Variants in C1orf159 observed in about 807,000 individuals in gnomAD.
The protein encoded by C1orf159 is uncharacterized protein C1orf159.
In C1orf159, 19 loss-of-function variants were observed where a neutral mutation model predicts 25.6. The observed-to-expected ratio is 0.74, with a 90% confidence interval of 0.52 to 1.09. The LOEUF is 1.09. Among genes scored for constraint, C1orf159 ranks in the 50% least tolerant of loss-of-function variants. The pLI is 0.00. For synonymous variants in C1orf159, 139 were observed against 124.7 expected (o/e 1.12, Z -0.77); for missense variants, 274 against 290.6 (o/e 0.94, Z 0.42).
intron 1 of C1orf159, among the ~76,000 whole-genome samples, chr1:1,113,693 G>A (rs920847953): frequency 6.6e-6 from 1 of 152,192 alleles, no homozygotes; most frequent in Non-Finnish European, 1.5e-5. Flanking sequence ...AGGAATGAAA[G>A]GAAGTAAAGC....
rs186481394 is a variant in C1orf159 at position 1,086,003 on chromosome 1, C to T, written c.320G>A (p.Arg107His). Residue 107 changes from arginine (R) to histidine (H), a missense_variant, in exon 7 of 10, where the codon CGC becomes CAC. Arg to His is a conservative substitution (Grantham distance 29, BLOSUM62 0). Coordinates refer to ENST00000421241, the MANE Select transcript of C1orf159 (RefSeq NM_017891.5). ...GCCCAGGAAGAGGGAGGCGGCCACG[C>T]GCGGAGCCCCTGCAAACAGACACCG... ...TPGRPHPGAP[R>H]VAASLFLGTF... The T allele has an allele frequency of 4.8e-4, 774 of 1,612,880 alleles. 8 individuals carry two copies. In the South Asian group the frequency reaches 6.1e-3, roughly 13 times the overall value.
chr1:1,091,241 C>A (rs1476818609), intron 3 of C1orf159: 1 of 633,850 alleles, frequency 1.6e-6, no homozygotes, highest in Non-Finnish European at 2.8e-6. Flanking sequence ...ACCGTGGGGG[C>A]CCCGCCTGAC....
chr1:1,089,054 C>T lies in C1orf159; in HGVS notation c.148+1299G>A, dbSNP rs535777912. ...TCCACGGCAGGGAGCCAAACACCAG[C>T]GCAGCACTGTCCCCAGAAGTGCCCG... On this transcript the variant is annotated intron_variant, in intron 4 of 9. Transcript: ENST00000421241. The surrounding 1 kb of genome is among the most constrained non-coding windows in gnomAD (Gnocchi z 7.5). Among the ~76,000 whole-genome samples the T allele has an allele frequency of 2.2e-4, 34 of 152,346 alleles. No individual in the cohort carries two copies. The highest frequency in any genetic ancestry group is 1.6e-3 in the Admixed American group (24 of 15,312).
chr1:1,109,093 G>A (rs561727738), intron 1 of C1orf159, among the ~76,000 whole-genome samples: 1,767 of 144,472 alleles, frequency 0.012, 165 homozygotes, highest in African/African-American at 0.045. Flanking sequence ...CACCATGTCT[G>A]CAGCAGCATT....
intron 3 of C1orf159, 111 bp from the exon 4 acceptor site, chr1:1,090,539 C>T (rs996509419): frequency 2.6e-6 from 3 of 1,149,682 alleles, no homozygotes; most frequent in African/African-American, 3.1e-5. Flanking sequence ...GTCCGCAGCT[C>T]CGGCCTCTTC....
At chr1:1,094,157 G>T (rs1418127342) in intron 1 of C1orf159, among the ~76,000 whole-genome samples, 1 of 151,760 alleles carries the variant, frequency 6.6e-6, no homozygotes, top group Non-Finnish European at 1.5e-5. Context: ...GAGTGCAGTA[G>T]TGGGATCGTG....
intron 1 of C1orf159, among the ~76,000 whole-genome samples, chr1:1,115,365 A>G (rs567544607): frequency 5.9e-5 from 9 of 152,304 alleles, no homozygotes; most frequent in African/African-American, 1.9e-4. Context: ...CGCGGGAAAA[A>G]GACCTGAATC....
intron 4 of C1orf159, among the ~76,000 whole-genome samples, chr1:1,088,820 G>C (rs574032464): frequency 1.3e-5 from 2 of 152,240 alleles, no homozygotes; most frequent in Admixed American, 1.3e-4. Context: ...GAGTGGGCCT[G>C]AGACCCCGGC....
intron 1 of C1orf159, among the ~76,000 whole-genome samples, chr1:1,109,713 C>A (rs1342681392): frequency 6.6e-6 from 1 of 152,194 alleles, no homozygotes; most frequent in East Asian, 1.9e-4. Flanking sequence ...AAGCGCTCCT[C>A]TCTCCTGTCT....
intron 1 of C1orf159, among the ~76,000 whole-genome samples, chr1:1,098,218 C>T (rs562765529): frequency 3.7e-4 from 56 of 152,148 alleles, no homozygotes; most frequent in South Asian, 1.0e-3. Flanking sequence ...TACAGGTGTG[C>T]ACCACCACGC....
At chr1:1,107,153 G>C (rs546261339) in intron 1 of C1orf159, among the ~76,000 whole-genome samples, 1 of 152,264 alleles carries the variant, frequency 6.6e-6, no homozygotes, top group African/African-American at 2.4e-5. Context: ...TGTAGCGCAC[G>C]GCACTGGACT....
At chr1:1,112,446 A>C (rs1371515190) in intron 1 of C1orf159, among the ~76,000 whole-genome samples, 27 of 149,812 alleles carry the variant, frequency 1.8e-4, no homozygotes, top group Non-Finnish European at 4.4e-5. Flanking sequence ...GTGAACACAC[A>C]GCGCATGCTC....
At position 1,087,973 on chromosome 1, in the gene C1orf159, G is replaced by A. The variant is rs1270486825; in HGVS notation, c.149-376C>T. 1.3e-5 allele frequency among the ~76,000 whole-genome samples: 2 copies of A among 151,748 alleles called. No homozygotes were observed. Among genetic ancestry groups the A allele is most frequent in the African/African-American group, 4.8e-5 (2 of 41,254 alleles). On this transcript the variant is annotated intron_variant, in intron 4 of 9. Coordinates refer to ENST00000421241, the MANE Select transcript of C1orf159 (RefSeq NM_017891.5). This position sits in a 1 kb window ranked among gnomAD's most constrained non-coding sequence, Gnocchi z 8.3. Reference sequence around the variant, plus strand: ...CCCCGGCCCTGAGCACCCCGACCCTGAGTACTCCACACTGCGTACTTCAGA... The same window carrying A: ...CCCCGGCCCTGAGCACCCCGACCCTAAGTACTCCACACTGCGTACTTCAGA...
Position 1,083,089 on chromosome 1 carries a change from C to G in C1orf159, c.503-102G>C. 7.3e-6 allele frequency: 7 copies of G among 956,062 alleles called. No homozygotes were observed. The South Asian group carries it at 1.0e-4, about 14-fold the overall frequency. The allele number at this position is 956,062 out of a possible 1,614,324, so 59.2% of individuals were successfully genotyped here. A position where few individuals can be genotyped will look rare whatever the true frequency, so the allele number is the denominator to read the frequency against. On this transcript the variant is annotated intron_variant, in intron 9 of 9. Coordinates refer to ENST00000421241, the MANE Select transcript of C1orf159 (RefSeq NM_017891.5). ...GAGGCTCTCGGGAGTGGGCATATGGCACAGGCGCCCGGGGCTGTTTACTCT... is the reference window on the plus strand; with the variant it reads ...GAGGCTCTCGGGAGTGGGCATATGGGACAGGCGCCCGGGGCTGTTTACTCT...
At chr1:1,107,810 C>T (rs1646195469) in intron 1 of C1orf159, among the ~76,000 whole-genome samples, 1 of 152,198 alleles carries the variant, frequency 6.6e-6, no homozygotes, top group South Asian at 2.1e-4. Context: ...GCTGCTCACT[C>T]TTTGGGTCTG....
At chr1:1,104,266 C>T (rs1022420211) in intron 1 of C1orf159, among the ~76,000 whole-genome samples, 12 of 152,194 alleles carry the variant, frequency 7.9e-5, no homozygotes, top group Non-Finnish European at 7.4e-5. Context: ...GGATCACAGG[C>T]GTGAGCCACT....
At chr1:1,101,664 T>C (rs1007380637) in intron 1 of C1orf159, among the ~76,000 whole-genome samples, 1 of 152,076 alleles carries the variant, frequency 6.6e-6, no homozygotes, top group Admixed American at 6.6e-5. Flanking sequence ...GTCTGTCGGC[T>C]CACGGTCTAT....
At chr1:1,086,931 G>C (rs1188850123) in intron 6 of C1orf159, among the ~76,000 whole-genome samples, 1 of 152,178 alleles carries the variant, frequency 6.6e-6, no homozygotes, top group Non-Finnish European at 1.5e-5. Context: ...CGGCCCTTTA[G>C]AGATGTGGCA....
chr1:1,088,857 G>A lies in C1orf159; in HGVS notation c.149-1260C>T, dbSNP rs542896861. 1.4e-4 allele frequency among the ~76,000 whole-genome samples: 21 copies of A among 152,288 alleles called. 1 individual carries two copies. The East Asian group carries it at 2.5e-3, about 18-fold the overall frequency. On this transcript the variant is annotated intron_variant, in intron 4 of 9. Transcript: ENST00000421241. ...CGGTTGTGACAGGGGTCACTCTGCA[G>A]ACACACCTCTTGGAAGAATGGAAGT...
Sources: allele counts gnomAD v4.1 joint callset (sites outside exome capture counted in the v4.1 genomes callset), GRCh38; gene constraint gnomAD v4.1.1; non-coding constraint Gnocchi (gnomAD v3.1); transcripts MANE v1.5; gene names NCBI Gene and HGNC (gene_info 2026-07-23, HGNC 2026-07-21).